Variants in SFMBT2 observed in about 807,000 individuals in gnomAD.
SFMBT2 encodes the protein scm-like with four MBT domains protein 2.
SFMBT2 carries 38 observed loss-of-function variants against 110.1 expected under a neutral mutation model. The ratio of observed to expected loss-of-function variants is 0.35; its 90% CI spans 0.27 to 0.45. SFMBT2 has a LOEUF of 0.45. Among genes scored for constraint, SFMBT2 ranks in the 20% least tolerant of loss-of-function variants. The pLI is 1.00. For missense variants in SFMBT2, 1,011 were observed against 1,094.9 expected, an observed-to-expected ratio of 0.92 and a Z score of 1.08; for synonymous variants, 425 against 425.4, an observed-to-expected ratio of 1.00 and a Z score of 0.01.
At chr10:7,245,766 T>A (rs565277017) in intron 8 of SFMBT2, among the ~76,000 whole-genome samples, 87 of 152,338 alleles carry the variant, frequency 5.7e-4, no homozygotes, top group African/African-American at 2.0e-3. Context: ...GCTGGACTGC[T>A]GGAGGTTCAT....
chr10:7,347,633 G>A (rs562821137), intron 4 of SFMBT2, among the ~76,000 whole-genome samples: 1 of 152,262 alleles, frequency 6.6e-6, no homozygotes, highest in African/African-American at 2.4e-5. Context: ...TGTAGGTAGC[G>A]TAGAAAGATG....
At chr10:7,410,655 T>C (rs1302208594) in intron 1 of SFMBT2, among the ~76,000 whole-genome samples, 1 of 151,850 alleles carries the variant, frequency 6.6e-6, no homozygotes, top group African/African-American at 2.4e-5. Flanking sequence ...CTCCTGCCCT[T>C]CTCTTTCGCT....
chr10:7,316,769 C>A (rs1843025791), intron 4 of SFMBT2, among the ~76,000 whole-genome samples: 1 of 152,132 alleles, frequency 6.6e-6, no homozygotes, highest in African/African-American at 2.4e-5. Context: ...GAGGATTTCT[C>A]CAGGATCAAC....
At chr10:7,200,008 C>T (rs934059199) in intron 14 of SFMBT2, among the ~76,000 whole-genome samples, 7 of 152,108 alleles carry the variant, frequency 4.6e-5, no homozygotes, top group African/African-American at 9.7e-5. Context: ...TTCAAAAGCT[C>T]GGGGCGACTT....
At chr10:7,348,181 A>C in intron 4 of SFMBT2, 1 of 754,038 alleles carries the variant, frequency 1.3e-6, no homozygotes, top group Non-Finnish European at 1.9e-6. Flanking sequence ...AGCTTTTCAA[A>C]GGGTTTGGGT....
intron 4 of SFMBT2, among the ~76,000 whole-genome samples, chr10:7,317,876 T>G (rs1212974437): frequency 2.6e-5 from 4 of 152,120 alleles, no homozygotes; most frequent in African/African-American, 9.7e-5. Flanking sequence ...AAATTGTATC[T>G]CTGGATGAAA....
chr10:7,197,647 G>C lies in SFMBT2; in HGVS notation c.1599C>G (p.Ile533Met). The change falls in exon 15 of 21, where the codon ATC (isoleucine) becomes ATG (methionine). Residue 533 changes from isoleucine to methionine, a missense_variant. Physicochemically the swap from Ile to Met is conservative, Grantham distance 10. This residue lies in a region of SFMBT2 where 979 missense variants were observed against 1,016.1 expected (regional missense o/e 0.96). Coordinates refer to ENST00000397167, the MANE Select transcript of SFMBT2 (RefSeq NM_001387889.1). ...NGKYCCPQLF[I>M]NHRCFSGPYL... ...AAGGGCCTGAGAAACACCTGTGGTT[G>C]ATGAAGAGCTGAGGACAGCAGTATT... 6.2e-7 allele frequency: 1 copy of C among 1,614,212 alleles called. No individual in the cohort carries two copies. The highest frequency in any genetic ancestry group is 1.7e-4 in the Middle Eastern group (1 of 6,060).
intron 4 of SFMBT2, among the ~76,000 whole-genome samples, chr10:7,327,983 A>C (rs1843447808): frequency 6.6e-6 from 1 of 152,230 alleles, no homozygotes; most frequent in Non-Finnish European, 1.5e-5. Context: ...TTAAATACCC[A>C]GGAGTACAAT....
chr10:7,386,381 G>A (rs528753648), intron 1 of SFMBT2, among the ~76,000 whole-genome samples: 7 of 152,228 alleles, frequency 4.6e-5, no homozygotes, highest in Middle Eastern at 3.4e-3. Context: ...GGCCAAGGTG[G>A]GCAGATTACC....
At chr10:7,164,545 G>T in intron 20 of SFMBT2, 1 of 665,616 alleles carries the variant, frequency 1.5e-6, no homozygotes, top group Non-Finnish European at 1.9e-6. Context: ...TGCTGGGAGG[G>T]CAAGTCACTC....
chr10:7,232,452 AC>A (rs1840131818), intron 9 of SFMBT2, among the ~76,000 whole-genome samples: 1 of 152,184 alleles, frequency 6.6e-6, no homozygotes, highest in South Asian at 2.1e-4. Context: ...AAATGAAATA[AC>A]CTTCTGTGCA....
At position 7,172,215 on chromosome 10, in the gene SFMBT2, G is replaced by A; in HGVS notation, c.2152-57C>T. The A allele has an allele frequency of 2.7e-6, 4 of 1,507,144 alleles. No homozygotes were observed. Among genetic ancestry groups the A allele is most frequent in the Non-Finnish European group, 3.5e-6 (4 of 1,128,902 alleles). The allele number at this position is 1,507,144 out of a possible 1,614,324, so 93.4% of individuals were successfully genotyped here. A position where few individuals can be genotyped will look rare whatever the true frequency, so the allele number is the denominator to read the frequency against. On this transcript the variant is annotated intron_variant, in intron 18 of 20. Transcript: ENST00000397167. The surrounding 1 kb of genome is among the most constrained non-coding windows in gnomAD (Gnocchi z 4.6). Reference sequence around the variant, plus strand: ...GGTGGCCCGGGGGCCTGTAGCGGTGGCCCCGCGGTCAGACCCTGGGCCCAG... The same window carrying A: ...GGTGGCCCGGGGGCCTGTAGCGGTGACCCCGCGGTCAGACCCTGGGCCCAG...
chr10:7,184,671 T>A (rs1838343124), intron 16 of SFMBT2, among the ~76,000 whole-genome samples: 1 of 152,178 alleles, frequency 6.6e-6, no homozygotes, highest in South Asian at 2.1e-4. Flanking sequence ...AAGCAGAATG[T>A]CACTATGGTC....
At chr10:7,404,501 C>A (rs1371386354) in intron 1 of SFMBT2, among the ~76,000 whole-genome samples, 3 of 152,216 alleles carry the variant, frequency 2.0e-5, no homozygotes, top group Non-Finnish European at 4.4e-5. Context: ...CCATGTCCCA[C>A]ACCTCCATAC....
chr10:7,361,004 C>G (rs1477549258), intron 4 of SFMBT2, among the ~76,000 whole-genome samples: 1 of 152,126 alleles, frequency 6.6e-6, no homozygotes, highest in African/African-American at 2.4e-5. Context: ...AATAAAATAT[C>G]TAACTATGAC....
At chr10:7,341,994 G>A (rs562584690) in intron 4 of SFMBT2, among the ~76,000 whole-genome samples, 1 of 151,988 alleles carries the variant, frequency 6.6e-6, no homozygotes, top group African/African-American at 2.4e-5. Context: ...TTTTAGTTGA[G>A]TGTGCCAATG....
intron 4 of SFMBT2, among the ~76,000 whole-genome samples, chr10:7,288,785 C>T (rs1331907819): frequency 6.6e-6 from 1 of 151,944 alleles, no homozygotes. Context: ...AATCCCAGCA[C>T]TTTGGGAGGC....
intron 14 of SFMBT2, chr10:7,198,083 G>T: frequency 2.0e-6 from 2 of 985,338 alleles, no homozygotes; most frequent in Non-Finnish European, 1.2e-6. Flanking sequence ...ACACAAGTGT[G>T]TCAACTTCAC....
chr10:7,213,680 T>C (rs985109154), intron 11 of SFMBT2, among the ~76,000 whole-genome samples: 1 of 150,514 alleles, frequency 6.6e-6, no homozygotes, highest in African/African-American at 2.5e-5. Context: ...GAGTTGTGAG[T>C]GTGAGGCCAT....
Sources: gnomAD v4.1 joint callset for allele counts (sites outside exome capture counted in the v4.1 genomes callset) on GRCh38, gnomAD v4.1.1 for gene constraint, gnomAD v4.1.1 regional missense constraint, Gnocchi (gnomAD v3.1) non-coding constraint, MANE v1.5 for transcripts, NCBI Gene and HGNC (gene_info 2026-07-23, HGNC 2026-07-21) for gene names.